GHR: variants seen among roughly 807,000 people sequenced by gnomAD.
The protein encoded by GHR is growth hormone receptor.
Under a neutral mutation model 67.1 loss-of-function variants are expected in GHR, and 35 were observed. The observed-to-expected ratio is 0.52, with a 90% CI of 0.40 to 0.69. GHR has a LOEUF of 0.69. Among genes scored for constraint, GHR ranks in the 30% least tolerant of loss-of-function variants. The probability of loss-of-function intolerance (pLI) is 0.00; values close to 1 mark genes in which losing one functional copy is unlikely to be tolerated. For synonymous variants in GHR, 272 were observed against 269.1 expected (o/e 1.01, Z -0.10); for missense variants, 792 against 764.6 (o/e 1.04, Z -0.42).
intron 1 of GHR, chr5:42,468,545 A>G: frequency 1.2e-6 from 1 of 820,564 alleles, no homozygotes; most frequent in Non-Finnish European, 2.0e-6. Context: ...GAGAACAATG[A>G]CCCTTATTCC....
In GHR at chr5:42,462,045, G is replaced by A. The variant is rs377467345; in HGVS notation, c.-12+38090G>A. On this transcript the variant is annotated intron_variant, in intron 1 of 9. Coordinates refer to ENST00000230882, the MANE Select transcript of GHR (RefSeq NM_000163.5). The stretch of plus-strand genomic sequence containing the variant: ...ATGGTACCCAGAGGCCAAAGCTGCT[G>A]CATAAGCAAGTTATCATGAAACTAT... Among the ~76,000 whole-genome samples, 80 of 152,348 alleles carry A rather than the reference G, an allele frequency of 5.3e-4. 2 individuals are homozygous for A. The South Asian group carries it at 0.016, about 31-fold the overall frequency.
chr5:42,470,231 T>A (rs1372990826), intron 1 of GHR, among the ~76,000 whole-genome samples: 1 of 140,898 alleles, frequency 7.1e-6, no homozygotes, highest in African/African-American at 2.5e-5. Flanking sequence ...TATTTATATA[T>A]CATTATATAA....
At chr5:42,541,353 G>A (rs1748508765) in intron 1 of GHR, among the ~76,000 whole-genome samples, 1 of 152,166 alleles carries the variant, frequency 6.6e-6, no homozygotes, top group Admixed American at 6.5e-5. Context: ...AGTATCCCAG[G>A]TAGAGGGAAT....
At chr5:42,534,478 A>G (rs1043489318) in intron 1 of GHR, among the ~76,000 whole-genome samples, 5 of 147,988 alleles carry the variant, frequency 3.4e-5, no homozygotes, top group Non-Finnish European at 5.9e-5. Flanking sequence ...ACATATGTAT[A>G]TGTGTATATA....
At chr5:42,443,032 G>C (rs190770895) in intron 1 of GHR, among the ~76,000 whole-genome samples, 6 of 152,280 alleles carry the variant, frequency 3.9e-5, no homozygotes, top group Admixed American at 2.6e-4. Flanking sequence ...TGGTGAATTT[G>C]TTCACTACTG....
intron 1 of GHR, among the ~76,000 whole-genome samples, chr5:42,478,726 A>T (rs1380630535): frequency 6.6e-6 from 1 of 152,154 alleles, no homozygotes; most frequent in Non-Finnish European, 1.5e-5. Flanking sequence ...ATTTTTGCAT[A>T]TTGATTTTGT....
At chr5:42,637,813 T>G (rs866211033) in intron 3 of GHR, among the ~76,000 whole-genome samples, 3 of 152,334 alleles carry the variant, frequency 2.0e-5, no homozygotes, top group Middle Eastern at 3.4e-3. Context: ...TCTTTGGGTA[T>G]CTACCCAGTT....
intron 1 of GHR, among the ~76,000 whole-genome samples, chr5:42,495,625 C>T (rs1222316308): frequency 6.6e-6 from 1 of 152,020 alleles, no homozygotes; most frequent in African/African-American, 2.4e-5. Context: ...AGAATTAGGC[C>T]AACACAGACA....
In GHR at chr5:42,597,654, A is replaced by G. The variant is rs145486499; in HGVS notation, c.71-31384A>G. ...CAGGCTGAATGGCTTGCTTACATTC[A>G]GGTCCCAGTATCTACGATTGACAAT... On this transcript the variant is annotated intron_variant, in intron 2 of 9. Coordinates refer to ENST00000230882, the MANE Select transcript of GHR (RefSeq NM_000163.5). Among the ~76,000 whole-genome samples the G allele has an allele frequency of 3.5e-3, 537 of 152,334 alleles. 4 individuals are homozygous for G. Among genetic ancestry groups the G allele is most frequent in the Non-Finnish European group, 6.4e-3 (435 of 68,028 alleles).
chr5:42,697,761 G>A (rs1277924073), intron 5 of GHR, among the ~76,000 whole-genome samples: 2 of 152,142 alleles, frequency 1.3e-5, no homozygotes, highest in African/African-American at 4.8e-5. Context: ...TTTAGATGAT[G>A]AGCGATGTGA....
chr5:42,654,958 C>T (rs1221632758), intron 3 of GHR, among the ~76,000 whole-genome samples: 1 of 152,066 alleles, frequency 6.6e-6, no homozygotes, highest in African/African-American at 2.4e-5. Context: ...CTTGAAACTC[C>T]TCATCTGAAA....
intron 1 of GHR, among the ~76,000 whole-genome samples, chr5:42,440,389 G>C (rs1264468635): frequency 6.6e-6 from 1 of 152,022 alleles, no homozygotes; most frequent in African/African-American, 2.4e-5. Context: ...GAGCATAATG[G>C]GTAGAGAAAA....
At chr5:42,555,128 T>G (rs1749238883) in intron 1 of GHR, among the ~76,000 whole-genome samples, 1 of 152,188 alleles carries the variant, frequency 6.6e-6, no homozygotes, top group Non-Finnish European at 1.5e-5. Flanking sequence ...CAAATAGACT[T>G]CTATTTTTAC....
chr5:42,478,318 G>T (rs1015597085), intron 1 of GHR, among the ~76,000 whole-genome samples: 10 of 152,202 alleles, frequency 6.6e-5, no homozygotes, highest in Admixed American at 1.3e-4. Flanking sequence ...CAGGTAGCAT[G>T]ATGCCTCCAG....
At chr5:42,548,080 G>C (rs1748819716) in intron 1 of GHR, 1 of 985,382 alleles carries the variant, frequency 1.0e-6, no homozygotes, top group Non-Finnish European at 1.2e-6. Flanking sequence ...CATTGTAATA[G>C]GCCTCATGAG....
intron 1 of GHR, among the ~76,000 whole-genome samples, chr5:42,483,536 A>C (rs1208259076): frequency 6.6e-6 from 1 of 152,178 alleles, no homozygotes; most frequent in Non-Finnish European, 1.5e-5. Flanking sequence ...CACAACATCC[A>C]AAATAATTAT....
At chr5:42,525,139 T>C (rs889827229) in intron 1 of GHR, among the ~76,000 whole-genome samples, 2 of 152,092 alleles carry the variant, frequency 1.3e-5, no homozygotes, top group Non-Finnish European at 2.9e-5. Context: ...GAATGGTAGA[T>C]CCACCAACAG....
intron 2 of GHR, among the ~76,000 whole-genome samples, chr5:42,566,441 A>G (rs140013783): frequency 9.8e-5 from 15 of 152,336 alleles, no homozygotes; most frequent in African/African-American, 3.1e-4. Context: ...TAAGTTGAGG[A>G]AAGAGACACC....
At chr5:42,479,998 T>A (rs1745542137) in intron 1 of GHR, among the ~76,000 whole-genome samples, 1 of 152,230 alleles carries the variant, frequency 6.6e-6, no homozygotes, top group Non-Finnish European at 1.5e-5. Context: ...ATTTTGGATC[T>A]TTCCTGCTTT....
Sources: gnomAD v4.1 joint callset for allele counts (sites outside exome capture counted in the v4.1 genomes callset) on GRCh38, gnomAD v4.1.1 for gene constraint, MANE v1.5 for transcripts, NCBI Gene and HGNC (gene_info 2026-07-23, HGNC 2026-07-21) for gene names.